The following NAV3 variants were observed in gnomAD, a reference collection of about 807,000 sequenced individuals.
The protein encoded by NAV3 is neuron navigator 3, also known as pore membrane and/or filament interacting like protein 1.
Under a neutral mutation model 244.7 loss-of-function variants are expected in NAV3, and 87 were observed. That is an observed-to-expected ratio of 0.36 (90% CI 0.30 to 0.42). NAV3 has a LOEUF of 0.42. Among genes scored for constraint, NAV3 ranks in the 20% least tolerant of loss-of-function variants. NAV3 has a pLI of 1.00. For synonymous variants in NAV3, 1,126 were observed against 1,042.2 expected (o/e 1.08, Z -1.55); for missense variants, 2,663 against 2,893.3 (o/e 0.92, Z 1.83).
chr12:77,977,108 C>G (rs1352077189), intron 5 of NAV3, among the ~76,000 whole-genome samples: 7 of 152,174 alleles, frequency 4.6e-5, no homozygotes, highest in South Asian at 4.2e-4. Context: ...TGTTTCTATC[C>G]ATTATTTACA....
At chr12:77,804,112 T>TTTTG (rs1456378166) in intron 2 of NAV3, among the ~76,000 whole-genome samples, 1 of 152,082 alleles carries the variant, frequency 6.6e-6, no homozygotes, top group Non-Finnish European at 1.5e-5. Context: ...TTTTGTTTTG[T>TTTTG]TTTGTTTGTT....
At chr12:77,893,938 G>A (rs183226899) in intron 1 of NAV3, among the ~76,000 whole-genome samples, 1 of 152,320 alleles carries the variant, frequency 6.6e-6, no homozygotes, top group Admixed American at 6.5e-5. Flanking sequence ...AGCCCAAAGT[G>A]TATTCATTTT....
intron 2 of NAV3, among the ~76,000 whole-genome samples, chr12:77,633,115 A>G (rs758455975): frequency 6.6e-6 from 1 of 152,142 alleles, no homozygotes; most frequent in Non-Finnish European, 1.5e-5. Flanking sequence ...TGCTAGGTAG[A>G]ACATTGAATA....
intron 5 of NAV3, among the ~76,000 whole-genome samples, chr12:77,975,403 C>G (rs1868302836): frequency 6.6e-6 from 1 of 152,120 alleles, no homozygotes; most frequent in African/African-American, 2.4e-5. Context: ...ATAACACAAA[C>G]TTAATTAAAA....
intron 2 of NAV3, among the ~76,000 whole-genome samples, chr12:77,723,793 TA>T (rs993664914): frequency 2.1e-5 from 3 of 143,122 alleles, no homozygotes; most frequent in African/African-American, 7.5e-5. Context: ...ATATCTCTAT[TA>T]TAATAGGTCC....
intron 3 of NAV3, among the ~76,000 whole-genome samples, chr12:77,949,266 G>A (rs1890651184): frequency 6.6e-6 from 1 of 152,002 alleles, no homozygotes. Flanking sequence ...ACCTAGTGCT[G>A]TGCTAGGTGT....
intron 2 of NAV3, among the ~76,000 whole-genome samples, chr12:77,819,816 A>G (rs1424396703): frequency 6.6e-6 from 1 of 152,142 alleles, no homozygotes; most frequent in African/African-American, 2.4e-5. Context: ...CATGGTCCAC[A>G]CATTTAAAAC....
chr12:77,898,942 C>T (rs1431711798), intron 1 of NAV3, among the ~76,000 whole-genome samples: 2 of 152,142 alleles, frequency 1.3e-5, no homozygotes, highest in African/African-American at 4.8e-5. Context: ...TTGTTTCTAA[C>T]TATTATGGAT....
In NAV3 at chr12:78,006,663, A is replaced by T. The variant is rs2136564744; in HGVS notation, c.1125A>T (p.Lys375Asn). The change falls in exon 8 of 40, where the codon AAA becomes AAT. Residue 375 changes from lysine (K) to asparagine (N), a missense_variant. Coordinates refer to ENST00000397909, the MANE Select transcript of NAV3 (RefSeq NM_001024383.2). ...RLKPPVSEGVKTAPSGQKSML... is the reference protein window; with the variant it reads ...RLKPPVSEGVNTAPSGQKSML... ...AGCCACCTGTCTCAGAAGGGGTCAA[A>T]ACTGCTCCCTCAGGACAGAAATCCA... 1 of 1,614,078 alleles carries T rather than the reference A, an allele frequency of 6.2e-7. No homozygotes were observed.
chr12:77,606,899 C>G (rs564822366), intron 2 of NAV3, among the ~76,000 whole-genome samples: 1 of 152,054 alleles, frequency 6.6e-6, no homozygotes, highest in Non-Finnish European at 1.5e-5. Flanking sequence ...ATAAGCCCTT[C>G]TTGAACATTA....
intron 24 of NAV3, among the ~76,000 whole-genome samples, chr12:78,170,154 A>G (rs1345171162): frequency 6.6e-6 from 1 of 151,674 alleles, no homozygotes; most frequent in Non-Finnish European, 1.5e-5. Flanking sequence ...CTCCACGTGG[A>G]TATCTTTGGA....
intron 12 of NAV3, among the ~76,000 whole-genome samples, chr12:78,073,832 C>G (rs935309939): frequency 3.6e-4 from 55 of 151,924 alleles, no homozygotes; most frequent in African/African-American, 1.2e-3. Flanking sequence ...GGTACTGGTA[C>G]CAAAACAGAG....
chr12:77,620,711 C>A (rs113923303), intron 2 of NAV3, among the ~76,000 whole-genome samples: 2 of 152,090 alleles, frequency 1.3e-5, no homozygotes, highest in Admixed American at 6.5e-5. Context: ...ATCCACCCCC[C>A]TCAGCCTCCC....
chr12:77,765,563 A>T (rs11106618), intron 2 of NAV3, among the ~76,000 whole-genome samples: 1,869 of 152,298 alleles, frequency 0.012, 46 homozygotes, highest in African/African-American at 0.041. Flanking sequence ...GAAGCCAAAG[A>T]TGAAAGGGGC....
intron 30 of NAV3, among the ~76,000 whole-genome samples, chr12:78,184,697 C>CT (rs1157887635): frequency 1.3e-5 from 2 of 151,592 alleles, no homozygotes; most frequent in African/African-American, 4.8e-5. Context: ...TAGTCGTAAT[C>CT]TTTTTTTCTA....
At chr12:77,929,182 A>G (rs966532702) in intron 1 of NAV3, among the ~76,000 whole-genome samples, 2 of 152,218 alleles carry the variant, frequency 1.3e-5, no homozygotes, top group Non-Finnish European at 2.9e-5. Flanking sequence ...AATATGTTAG[A>G]TATACCAGGA....
At chr12:77,597,546 G>A (rs997214367) in intron 2 of NAV3, among the ~76,000 whole-genome samples, 6 of 152,046 alleles carry the variant, frequency 3.9e-5, no homozygotes, top group Non-Finnish European at 8.8e-5. Flanking sequence ...TAATTCAAAC[G>A]ATCTTGAGTT....
intron 1 of NAV3, among the ~76,000 whole-genome samples, chr12:77,846,536 A>G (rs2030897): frequency 0.66 from 100,484 of 152,022 alleles, 34,405 homozygotes; most frequent in East Asian, 0.89. Flanking sequence ...AACTGGGATG[A>G]TTGGTTACTC....
intron 33 of NAV3, among the ~76,000 whole-genome samples, chr12:78,189,134 TA>T (rs1399875490): frequency 1.3e-5 from 2 of 151,938 alleles, no homozygotes; most frequent in African/African-American, 4.8e-5. Flanking sequence ...TTCATTGATA[TA>T]TCTTTGATTT....
Sources: gnomAD v4.1 joint callset for allele counts (sites outside exome capture counted in the v4.1 genomes callset) on GRCh38, gnomAD v4.1.1 for gene constraint, MANE v1.5 for transcripts, NCBI Gene and HGNC (gene_info 2026-07-23, HGNC 2026-07-21) for gene names.